The following MMP13 variants were observed in gnomAD, a reference collection of about 807,000 sequenced individuals.
The protein encoded by MMP13 is matrix metallopeptidase 13, also known as collagenase 3.
In MMP13, 45 loss-of-function variants were observed where a neutral mutation model predicts 52.1. The observed-to-expected ratio is 0.86, with a 90% CI of 0.68 to 1.11. MMP13 has a LOEUF of 1.11. MMP13 is among the 50% of genes least tolerant of loss of function. The pLI is 0.00. For missense variants in MMP13, 576 were observed against 583.8 expected (o/e 0.99, Z 0.14); for synonymous variants, 200 against 204.4 (o/e 0.98, Z 0.18).
In MMP13 at chr11:102,952,149, G is replaced by A. The variant is rs147544761; in HGVS notation, c.662C>T (p.Ala221Val). 1.2e-4 allele frequency: 192 copies of A among 1,613,060 alleles called. No individual in the cohort carries two copies. The African/African-American group carries it at 1.9e-3, about 16-fold the overall frequency. Residue 221 changes from alanine to valine, a missense_variant, in exon 5 of 10, where the codon GCG becomes GTG. Ala to Val is a moderately conservative substitution (Grantham distance 64, BLOSUM62 0). Transcript: ENST00000260302. The surrounding 1 kb of genome is among the most constrained non-coding windows in gnomAD (Gnocchi z 4.3). ...SKGYNLFLVA[A>V]HEFGHSLGLD... ...ACCTAAGGAGTGGCCGAACTCATGC[G>A]CAGCAACAAGAAACAAGTTGTAGCC... is the stretch of plus-strand genomic sequence containing the variant.
At position 102,952,248 on chromosome 11, in the gene MMP13, C is replaced by T. The variant is rs1419771359; in HGVS notation, c.638-75G>A. The T allele has an allele frequency of 1.3e-6, 2 of 1,493,458 alleles. No individual in the cohort carries two copies. The highest frequency in any genetic ancestry group is 1.9e-6 in the Non-Finnish European group (2 of 1,073,570). 92.5% of individuals were successfully genotyped at this position (1,493,458 alleles called of 1,614,324 possible). On this transcript the variant is annotated intron_variant, in intron 4 of 9. Transcript: ENST00000260302. This position sits in a 1 kb window ranked among gnomAD's most constrained non-coding sequence, Gnocchi z 4.3. ...GGTAATGAAAGGAATATCATTTTAT[C>T]TATCTGGTATGTTTCTTTCTTGGCT...
Position 102,955,496 on chromosome 11 carries a change from A to G in MMP13, c.121-3T>C. 1.9e-6 allele frequency: 3 copies of G among 1,614,068 alleles called. No individual in the cohort carries two copies. Among genetic ancestry groups the G allele is most frequent in the Non-Finnish European group, 2.5e-6 (3 of 1,179,926 alleles). On this transcript the variant is annotated splice_region_variant and splice_polypyrimidine_tract_variant and intron_variant, in intron 1 of 9. Transcript: ENST00000260302. The surrounding 1 kb of genome is among the most constrained non-coding windows in gnomAD (Gnocchi z 4.9). ...TGGTAGTATGATCTCAGGTAGCGCT[A>G]GAAAAGACACCAAAATGAACTGCGT...
rs945061945 is a variant in MMP13, at chr11:102,955,068, C to T, written c.362+184G>A. 1.3e-5 allele frequency among the ~76,000 whole-genome samples: 2 copies of T among 152,030 alleles called. No homozygotes were observed. The highest frequency in any genetic ancestry group is 2.4e-5 in the African/African-American group (1 of 41,382). ...TCTCTAAAAGAAATACTTTGAGATGCCCACTAAAAAATAATGCTGAGTTAA... is the reference window on the plus strand; with the variant it reads ...TCTCTAAAAGAAATACTTTGAGATGTCCACTAAAAAATAATGCTGAGTTAA... On this transcript the variant is annotated intron_variant, in intron 2 of 9. Transcript: ENST00000260302. This position sits in a 1 kb window ranked among gnomAD's most constrained non-coding sequence, Gnocchi z 4.9.
At chr11:102,947,572 CA>C (rs34219033) in intron 8 of MMP13, among the ~76,000 whole-genome samples, 3 of 147,438 alleles carry the variant, frequency 2.0e-5, no homozygotes, top group African/African-American at 5.0e-5. Context: ...GACTCAGTCT[CA>C]AAAAAAAAGA....
At chr11:102,945,246 A>C (rs1555016533) in intron 9 of MMP13, 2 of 953,214 alleles carry the variant, frequency 2.1e-6, no homozygotes, top group Non-Finnish European at 1.3e-6. Flanking sequence ...TCTGTCAAAA[A>C]AAAAAAAAAA....
Position 102,950,209 on chromosome 11 carries a change from G to C in MMP13, c.818C>G (p.Pro273Arg), listed in dbSNP as rs781841656. The C allele has an allele frequency of 5.3e-5, 85 of 1,613,476 alleles. No individual in the cohort carries two copies. The highest frequency in any genetic ancestry group is 6.8e-5 in the Non-Finnish European group (80 of 1,179,568). The change falls in exon 6 of 10, where the codon CCC (proline) becomes CGC (arginine). Residue 273 changes from proline to arginine, a missense_variant. Transcript: ENST00000260302. ...TGGCGTTTTTGGATGTTTAGGGTTG[G>C]GGTCTTCATCTCCTGGACCTGTAGT... ...QSLYGPGDED[P>R]NPKHPKTPDK...
chr11:102,951,872 A>G (rs1860617468), intron 5 of MMP13, 140 bp downstream of exon 5: 7 of 815,944 alleles, frequency 8.6e-6, no homozygotes, highest in Non-Finnish European at 1.4e-5. Context: ...ACTGTATTAC[A>G]GTATTATGAA....
At chr11:102,946,569 C>G (rs1028662213) in intron 8 of MMP13, among the ~76,000 whole-genome samples, 1 of 152,030 alleles carries the variant, frequency 6.6e-6, no homozygotes, top group Non-Finnish European at 1.5e-5. Flanking sequence ...TCAAAAGAGG[C>G]TTTGTAGATG....
chr11:102,952,143 T>C lies in MMP13; in HGVS notation c.668A>G (p.Glu223Gly). The change falls in exon 5 of 10, where the codon GAG becomes GGG. Residue 223 changes from glutamate to glycine, a missense_variant. Coordinates refer to ENST00000260302, the MANE Select transcript of MMP13 (RefSeq NM_002427.4). This position sits in a 1 kb window ranked among gnomAD's most constrained non-coding sequence, Gnocchi z 4.3. ...GTCAAGACCTAAGGAGTGGCCGAACTCATGCGCAGCAACAAGAAACAAGTT... is the reference window on the plus strand; with the variant it reads ...GTCAAGACCTAAGGAGTGGCCGAACCCATGCGCAGCAACAAGAAACAAGTT... Reference protein sequence around the residue: ...GYNLFLVAAHEFGHSLGLDHS... With the variant: ...GYNLFLVAAHGFGHSLGLDHS... 1 of 1,613,160 alleles carries C rather than the reference T, an allele frequency of 6.2e-7. No individual in the cohort carries two copies. The highest frequency in any genetic ancestry group is 1.3e-5 in the African/African-American group (1 of 74,900).
Position 102,955,153 on chromosome 11 carries a change from T to C in MMP13, c.362+99A>G. 7.2e-7 allele frequency: 1 copy of C among 1,390,254 alleles called. No homozygotes were observed. The highest frequency in any genetic ancestry group is 1.2e-5 in the South Asian group (1 of 83,088). The allele number at this position is 1,390,254 out of a possible 1,614,324, so 86.1% of individuals were successfully genotyped here. A position where few individuals can be genotyped will look rare whatever the true frequency, so the allele number is the denominator to read the frequency against. The stretch of plus-strand genomic sequence containing the variant: ...CAACCATATTAAAGCTATTCTGGAA[T>C]TTAACTGCCAATTAAATAATAAGGC... On this transcript the variant is annotated intron_variant, in intron 2 of 9. Coordinates refer to ENST00000260302, the MANE Select transcript of MMP13 (RefSeq NM_002427.4). The surrounding 1 kb of genome is among the most constrained non-coding windows in gnomAD (Gnocchi z 4.9).
intron 5 of MMP13, among the ~76,000 whole-genome samples, chr11:102,951,155 A>G (rs1214207910): frequency 1.3e-5 from 2 of 152,136 alleles, no homozygotes; most frequent in African/African-American, 4.8e-5. Flanking sequence ...TGGGGGGGGA[A>G]GTGAAAAGGA....
chr11:102,944,253 T>A lies in MMP13; in HGVS notation c.*13A>T, dbSNP rs372513971. On this transcript the variant is annotated 3_prime_UTR_variant, in exon 10 of 10. Transcript: ENST00000260302. ...GCTCTTCAGGATTTAAATAACAATTTTTAAAAAGACACTTAACACCACAAA... is the reference window on the plus strand; with the variant it reads ...GCTCTTCAGGATTTAAATAACAATTATTAAAAAGACACTTAACACCACAAA... 5.9e-5 allele frequency: 95 copies of A among 1,603,412 alleles called. No individual in the cohort carries two copies. The highest frequency in any genetic ancestry group is 7.6e-5 in the Non-Finnish European group (89 of 1,170,830).
chr11:102,948,840 A>G, intron 7 of MMP13, among the ~76,000 whole-genome samples, 185 bp downstream of exon 7: 1 of 152,182 alleles, frequency 6.6e-6, no homozygotes, highest in East Asian at 1.9e-4. Context: ...TAGACCTTTT[A>G]TATGTTCAAT....
chr11:102,951,916 A>G, intron 5 of MMP13, 96 bp downstream of exon 5: 1 of 1,334,320 alleles, frequency 7.5e-7, no homozygotes, highest in East Asian at 2.3e-5. Flanking sequence ...CTGTACCAAA[A>G]CATTATTATG....
chr11:102,953,381 G>A (rs1290746992), intron 4 of MMP13, among the ~76,000 whole-genome samples: 3 of 152,038 alleles, frequency 2.0e-5, no homozygotes, highest in African/African-American at 7.3e-5. Flanking sequence ...ATCATGTAAG[G>A]CCCAGTTTTA....
In MMP13 at chr11:102,954,804, T is replaced by C. The variant is rs74676958; in HGVS notation, c.363-198A>G. 6.4e-4 allele frequency among the ~76,000 whole-genome samples: 98 copies of C among 152,310 alleles called. 1 individual carries two copies. In the East Asian group the frequency reaches 0.018, roughly 28 times the overall value. On this transcript the variant is annotated intron_variant, in intron 2 of 9. Coordinates refer to ENST00000260302, the MANE Select transcript of MMP13 (RefSeq NM_002427.4). Reference sequence around the variant, plus strand: ...AGTCAAAAATTCAGCCACATTTGAGTATCTCCAAATATCTGACCATGTGGC... The same window carrying C: ...AGTCAAAAATTCAGCCACATTTGAGCATCTCCAAATATCTGACCATGTGGC...
At chr11:102,945,606 A>G in intron 9 of MMP13, 40 bp downstream of exon 9, 1 of 1,224,136 alleles carries the variant, frequency 8.2e-7, no homozygotes, top group East Asian at 2.3e-5. Flanking sequence ...GAGGGGCTAC[A>G]GAAGCTCCTC....
chr11:102,944,296 G>A lies in MMP13; in HGVS notation c.1386C>T (p.Val462=). The A allele has an allele frequency of 3.1e-6, 5 of 1,613,244 alleles. No individual in the cohort carries two copies. The highest frequency in any genetic ancestry group is 4.2e-6 in the Non-Finnish European group (5 of 1,179,424). The change falls in exon 10 of 10, where the codon GTC becomes GTT. Residue 462 remains valine (V), a synonymous_variant. Transcript: ENST00000260302. The part of the protein sequence containing the change: ...YSIWSNRIVR[V]MPANSILWC ...ACCACAAAATGGAATTTGCTGGCATGACGCGAACAATACGGTTACTCCAGA... is the reference window on the plus strand; with the variant it reads ...ACCACAAAATGGAATTTGCTGGCATAACGCGAACAATACGGTTACTCCAGA...
chr11:102,947,863 G>T, intron 8 of MMP13, 28 bp downstream of exon 8: 1 of 1,613,342 alleles, frequency 6.2e-7, no homozygotes. Flanking sequence ...CTATGACACA[G>T]ATGGGTCAGT....
Sources: gnomAD v4.1 joint callset for allele counts (sites outside exome capture counted in the v4.1 genomes callset) on GRCh38, gnomAD v4.1.1 for gene constraint, Gnocchi (gnomAD v3.1) non-coding constraint, MANE v1.5 for transcripts, NCBI Gene and HGNC (gene_info 2026-07-23, HGNC 2026-07-21) for gene names.